SYNE1: variants seen among roughly 807,000 people sequenced by gnomAD.
The protein encoded by SYNE1 is spectrin repeat containing nuclear envelope protein 1.
SYNE1 carries 616 observed loss-of-function variants against 1,111.0 expected under a neutral mutation model. The observed-to-expected ratio is 0.55, with a 90% CI of 0.52 to 0.59. SYNE1 has a LOEUF of 0.59. SYNE1 is among the 20% of genes least tolerant of loss of function. The pLI is 0.00. For missense variants in SYNE1, 10,006 were observed against 10,417.0 expected, an observed-to-expected ratio of 0.96 and a Z score of 1.72; for synonymous variants, 3,855 against 3,825.8, an observed-to-expected ratio of 1.01 and a Z score of -0.28.
intron 138 of SYNE1, among the ~76,000 whole-genome samples, chr6:152,142,143 T>C (rs908651475): frequency 1.3e-5 from 2 of 152,134 alleles, no homozygotes; most frequent in African/African-American, 4.8e-5. Context: ...CATTCACATA[T>C]ACAAAAAACA....
At chr6:152,331,936 T>G (rs750662797) in intron 77 of SYNE1, 46 bp from the exon 78 acceptor site, 1 of 1,602,062 alleles carries the variant, frequency 6.2e-7, no homozygotes, top group Admixed American at 1.7e-5. Flanking sequence ...CTGTAGTCAA[T>G]ATCGATGTTT....
intron 3 of SYNE1, among the ~76,000 whole-genome samples, chr6:152,592,548 A>T (rs1055750997): frequency 1.3e-5 from 2 of 151,798 alleles, no homozygotes; most frequent in East Asian, 1.9e-4. Context: ...GGAACAATAG[A>T]CACTATAGAC....
intron 3 of SYNE1, among the ~76,000 whole-genome samples, chr6:152,587,326 A>G (rs1180499333): frequency 6.6e-6 from 1 of 152,162 alleles, no homozygotes; most frequent in East Asian, 1.9e-4. Flanking sequence ...GAACTCCTAC[A>G]CCATTATTCC....
At chr6:152,474,584 C>T (rs2098824840) in intron 14 of SYNE1, 1 of 152,176 alleles carries the variant, frequency 6.6e-6, no homozygotes, top group South Asian at 2.1e-4. Context: ...GACCACGAAC[C>T]ACAGGAAACA....
intron 33 of SYNE1, 83 bp downstream of exon 33, chr6:152,435,858 G>C (rs576190607): frequency 2.0e-6 from 3 of 1,509,298 alleles, no homozygotes; most frequent in African/African-American, 2.7e-5. Context: ...GATTTTAAAA[G>C]AGTGTTTTGA....
At chr6:152,548,297 A>G (rs1366941594) in intron 3 of SYNE1, among the ~76,000 whole-genome samples, 1 of 152,230 alleles carries the variant, frequency 6.6e-6, no homozygotes, top group African/African-American at 2.4e-5. Context: ...GAAGGCTAAG[A>G]AAACTATCAG....
chr6:152,394,259 C>T (rs1002600384), intron 51 of SYNE1, among the ~76,000 whole-genome samples: 3 of 152,168 alleles, frequency 2.0e-5, no homozygotes, highest in African/African-American at 7.2e-5. Context: ...CAAGTCTTTG[C>T]TATTGTGAAC....
intron 130 of SYNE1, chr6:152,168,096 C>G (rs774444221): frequency 1.3e-6 from 1 of 780,628 alleles, no homozygotes; most frequent in African/African-American, 1.7e-5. Flanking sequence ...ATGGAAGAAA[C>G]TCAAGAAGAT....
intron 102 of SYNE1, among the ~76,000 whole-genome samples, chr6:152,256,229 G>T (rs2090792069): frequency 6.6e-6 from 1 of 151,826 alleles, no homozygotes; most frequent in South Asian, 2.1e-4. Context: ...GACCATCCTG[G>T]CTAACATGGT....
chr6:152,437,672 AG>A (rs1304053616), intron 32 of SYNE1, among the ~76,000 whole-genome samples: 1 of 152,208 alleles, frequency 6.6e-6, no homozygotes, highest in Non-Finnish European at 1.5e-5. Context: ...GAATTAGAAA[AG>A]GTAAACCCAG....
chr6:152,353,321 G>A lies in SYNE1; in HGVS notation c.11195C>T (p.Ala3732Val). The A allele has an allele frequency of 6.2e-7, 1 of 1,614,194 alleles. No individual in the cohort carries two copies. Residue 3732 changes from alanine to valine, a missense_variant, in exon 69 of 146, where the codon GCT (alanine) becomes GTT (valine). Physicochemically the swap from Ala to Val is moderately conservative, Grantham distance 64 (BLOSUM62 0). Around this residue, in one of 7 missense-constraint regions of SYNE1, gnomAD observed 4,955 missense variants for 5,017.2 expected, o/e 0.99. Transcript: ENST00000367255. ...TGTATCTACTTTGTCAATCTTGGTA[G>A]CCACATTCTTGAAGTTTTTATGAGT... Reference protein sequence around the residue: ...GSTHKNFKNVATKIDKVDTVM... With the variant: ...GSTHKNFKNVVTKIDKVDTVM...
chr6:152,461,022 C>T lies in SYNE1; in HGVS notation c.2394+575G>A, dbSNP rs138396672. On this transcript the variant is annotated intron_variant, in intron 21 of 145. Transcript: ENST00000367255. The stretch of plus-strand genomic sequence containing the variant: ...AGAGACGATGTTTCATCATGTTGGT[C>T]AGGCTGGTCTCGAACTCCTGACCTT... Among the ~76,000 whole-genome samples the T allele has an allele frequency of 4.3e-3, 654 of 152,010 alleles. 6 individuals carry two copies. Among genetic ancestry groups the T allele is most frequent in the African/African-American group, 0.015 (621 of 41,448 alleles).
intron 24 of SYNE1, among the ~76,000 whole-genome samples, chr6:152,454,113 C>T (rs1315692215): frequency 6.6e-6 from 1 of 152,154 alleles, no homozygotes; most frequent in Admixed American, 6.5e-5. Context: ...ATTCCACATT[C>T]CCCAACCACA....
intron 36 of SYNE1, among the ~76,000 whole-genome samples, chr6:152,429,481 T>C (rs182739752): frequency 1.3e-5 from 2 of 152,340 alleles, no homozygotes; most frequent in East Asian, 1.9e-4. Flanking sequence ...CAGATGGCCT[T>C]TGTCAATGGC....
chr6:152,193,032 T>C (rs2073006125), intron 127 of SYNE1, among the ~76,000 whole-genome samples: 1 of 152,114 alleles, frequency 6.6e-6, no homozygotes, highest in Non-Finnish European at 1.5e-5. Flanking sequence ...TCACTCAATG[T>C]CTTCTGAGTT....
intron 124 of SYNE1, among the ~76,000 whole-genome samples, chr6:152,209,370 C>T (rs1028457051): frequency 2.0e-5 from 3 of 152,184 alleles, no homozygotes; most frequent in Non-Finnish European, 4.4e-5. Flanking sequence ...AACACCCAGA[C>T]AACGTCAACA....
chr6:152,255,470 G>A, intron 103 of SYNE1, 121 bp downstream of exon 103: 1 of 1,174,136 alleles, frequency 8.5e-7, no homozygotes, highest in Admixed American at 1.7e-5. Context: ...AAGCAATTAT[G>A]TTCTGCATTA....
intron 137 of SYNE1, chr6:152,145,877 T>C (rs2059391337): frequency 5.6e-6 from 2 of 354,514 alleles, no homozygotes; most frequent in Admixed American, 7.6e-5. Flanking sequence ...ATACAAAAAT[T>C]AGCCAGGTGT....
intron 3 of SYNE1, among the ~76,000 whole-genome samples, chr6:152,599,660 CT>C (rs1431696175): frequency 6.6e-6 from 1 of 152,194 alleles, no homozygotes; most frequent in Non-Finnish European, 1.5e-5. Context: ...CATTATGTAA[CT>C]AAAATTCTGC....
Sources: allele counts gnomAD v4.1 joint callset (sites outside exome capture counted in the v4.1 genomes callset), GRCh38; gene constraint gnomAD v4.1.1; regional missense constraint gnomAD v4.1.1; transcripts MANE v1.5; gene names NCBI Gene and HGNC (gene_info 2026-07-23, HGNC 2026-07-21).